Variants in UBE2K observed in about 807,000 individuals in gnomAD.
The protein encoded by UBE2K is ubiquitin-conjugating enzyme E2 K.
In UBE2K, 6 loss-of-function variants were observed where a neutral mutation model predicts 30.0. The ratio of observed to expected loss-of-function variants is 0.20; its 90% CI spans 0.11 to 0.39. The LOEUF is 0.39. Ranked by LOEUF, UBE2K falls within the 10% of genes least tolerant of loss-of-function variation. UBE2K has a pLI of 1.00. For synonymous variants in UBE2K, 86 were observed against 83.7 expected, an observed-to-expected ratio of 1.03 and a Z score of -0.15; for missense variants, 61 against 241.6, an observed-to-expected ratio of 0.25 and a Z score of 4.96.
At chr4:39,712,716 G>A (rs1047673864) in intron 1 of UBE2K, among the ~76,000 whole-genome samples, 3 of 151,672 alleles carry the variant, frequency 2.0e-5, no homozygotes, top group Admixed American at 6.6e-5. Flanking sequence ...CACCGCACTC[G>A]GCCTACATTT....
At chr4:39,773,061 T>A (rs567234397) in intron 4 of UBE2K, among the ~76,000 whole-genome samples, 100 of 152,274 alleles carry the variant, frequency 6.6e-4, no homozygotes, top group Admixed American at 1.9e-3. Flanking sequence ...TAGACAAATA[T>A]TAGCTTTATA....
At chr4:39,698,774 G>T (rs1466028470) in intron 1 of UBE2K, among the ~76,000 whole-genome samples, 1 of 152,220 alleles carries the variant, frequency 6.6e-6, no homozygotes, top group African/African-American at 2.4e-5. Flanking sequence ...AAGGGGAAAG[G>T]TGGTAACTGG....
chr4:39,701,086 C>T (rs1717983438), intron 1 of UBE2K, among the ~76,000 whole-genome samples: 1 of 149,214 alleles, frequency 6.7e-6, no homozygotes, highest in African/African-American at 2.6e-5. Flanking sequence ...TACTTAAAGG[C>T]ATCATTTGGC....
At chr4:39,727,994 C>T (rs1410909424) in intron 1 of UBE2K, among the ~76,000 whole-genome samples, 1 of 151,958 alleles carries the variant, frequency 6.6e-6, no homozygotes, top group Non-Finnish European at 1.5e-5. Flanking sequence ...ATTAGCCAGG[C>T]GTGGTGCTGT....
At chr4:39,708,969 A>T (rs1398209340) in intron 1 of UBE2K, among the ~76,000 whole-genome samples, 2 of 144,352 alleles carry the variant, frequency 1.4e-5, no homozygotes, top group African/African-American at 5.1e-5. Flanking sequence ...CTTGCCAAGG[A>T]GGTAGAGATT....
At chr4:39,744,846 G>A (rs1170752258) in intron 2 of UBE2K, among the ~76,000 whole-genome samples, 2 of 150,300 alleles carry the variant, frequency 1.3e-5, no homozygotes, top group East Asian at 2.0e-4. Flanking sequence ...GGTGGAGCTT[G>A]AAGTGAGCCG....
chr4:39,724,701 C>T (rs1179657047), intron 1 of UBE2K, among the ~76,000 whole-genome samples: 2 of 147,900 alleles, frequency 1.4e-5, no homozygotes, highest in Non-Finnish European at 3.0e-5. Context: ...GCCCCGGAGG[C>T]AAAAGTTGCA....
chr4:39,740,121 T>A (rs922412760), intron 2 of UBE2K, among the ~76,000 whole-genome samples: 19 of 152,124 alleles, frequency 1.2e-4, no homozygotes, highest in African/African-American at 4.3e-4. Flanking sequence ...CAGATGTTTT[T>A]ATATAATAAT....
chr4:39,711,163 CTTTTTTTTT>C (rs34401637), intron 1 of UBE2K, among the ~76,000 whole-genome samples: 1 of 122,142 alleles, frequency 8.2e-6, no homozygotes, highest in Non-Finnish European at 1.7e-5. Context: ...AACTTTTTCT[CTTTTTTTTT>C]TTTTTTTTGA....
At chr4:39,771,488 A>G (rs1560380035) in intron 4 of UBE2K, 7 of 1,493,592 alleles carry the variant, frequency 4.7e-6, no homozygotes, top group Non-Finnish European at 6.2e-6. Context: ...TTTTTTTTTA[A>G]TCCCCTATTT....
chr4:39,734,183 C>A lies in UBE2K; in HGVS notation c.64-3237C>A, dbSNP rs143546067. On this transcript the variant is annotated intron_variant, in intron 1 of 6. Transcript: ENST00000261427. ...TGCAATGGCGAAATCTCGGCTCACTCCAACCTCCACACCCTGGATTCAAAC... is the reference window on the plus strand; with the variant it reads ...TGCAATGGCGAAATCTCGGCTCACTACAACCTCCACACCCTGGATTCAAAC... 8.4e-4 allele frequency among the ~76,000 whole-genome samples: 126 copies of A among 149,558 alleles called. 1 individual carries two copies. Among genetic ancestry groups the A allele is most frequent in the African/African-American group, 2.9e-3 (118 of 40,700 alleles).
chr4:39,731,155 A>T (rs1720052854), intron 1 of UBE2K, among the ~76,000 whole-genome samples: 1 of 151,978 alleles, frequency 6.6e-6, no homozygotes. Context: ...AGCCTCCCAA[A>T]GTGCTGGGAT....
intron 1 of UBE2K, among the ~76,000 whole-genome samples, chr4:39,718,875 G>A (rs1020397390): frequency 1.3e-5 from 2 of 152,240 alleles, no homozygotes; most frequent in Non-Finnish European, 2.9e-5. Context: ...GTTCCCACCC[G>A]TGCCTCTCCC....
intron 4 of UBE2K, among the ~76,000 whole-genome samples, chr4:39,771,793 T>C (rs1364878852): frequency 6.6e-6 from 1 of 152,196 alleles, no homozygotes; most frequent in Non-Finnish European, 1.5e-5. Flanking sequence ...ACTGAGATCA[T>C]TGCTTTAAGA....
At chr4:39,720,754 A>C (rs1719375429) in intron 1 of UBE2K, among the ~76,000 whole-genome samples, 1 of 152,106 alleles carries the variant, frequency 6.6e-6, no homozygotes, top group Non-Finnish European at 1.5e-5. Context: ...ATATGTTTTT[A>C]TTTATTAGAG....
intron 1 of UBE2K, among the ~76,000 whole-genome samples, chr4:39,703,147 T>C (rs1718130111): frequency 6.6e-6 from 1 of 152,054 alleles, no homozygotes; most frequent in Non-Finnish European, 1.5e-5. Flanking sequence ...CCTACTACCA[T>C]GCCCGGTTAA....
At chr4:39,762,917 C>T (rs1197601316) in intron 4 of UBE2K, among the ~76,000 whole-genome samples, 2 of 148,756 alleles carry the variant, frequency 1.3e-5, no homozygotes, top group African/African-American at 2.5e-5. Flanking sequence ...GCGTGAGCCA[C>T]GCACCCGGCC....
chr4:39,735,854 TAGAA>T (rs1434106735), intron 1 of UBE2K, among the ~76,000 whole-genome samples: 5 of 152,172 alleles, frequency 3.3e-5, no homozygotes, highest in Non-Finnish European at 5.9e-5. Flanking sequence ...AAGTACTAAT[TAGAA>T]AGTAAGTTTT....
chr4:39,737,549 A>G, intron 2 of UBE2K, 36 bp downstream of exon 2: 3 of 1,298,836 alleles, frequency 2.3e-6, no homozygotes, highest in Non-Finnish European at 3.2e-6. Flanking sequence ...TATTGTGCGT[A>G]TTAGAACTTG....
Sources: allele counts gnomAD v4.1 joint callset (sites outside exome capture counted in the v4.1 genomes callset), GRCh38; gene constraint gnomAD v4.1.1; transcripts MANE v1.5; gene names NCBI Gene and HGNC (gene_info 2026-07-23, HGNC 2026-07-21).